GRAMD2B: variants seen among roughly 807,000 people sequenced by gnomAD.
GRAMD2B encodes the protein GRAM domain containing 2B.
A neutral mutation model predicts 59.2 loss-of-function variants in GRAMD2B; 41 were observed. The ratio of observed to expected loss-of-function variants is 0.69; its 90% CI spans 0.54 to 0.90. The LOEUF is 0.90. GRAMD2B is among the 40% of genes least tolerant of loss of function. The probability of loss-of-function intolerance (pLI) is 0.00; values close to 1 mark genes in which losing one functional copy is unlikely to be tolerated. For missense variants in GRAMD2B, 424 were observed against 500.5 expected (o/e 0.85, Z 1.46); for synonymous variants, 161 against 182.7 (o/e 0.88, Z 0.96).
At chr5:126,383,747 T>C (rs1561464988) in intron 1 of GRAMD2B, among the ~76,000 whole-genome samples, 1 of 152,214 alleles carries the variant, frequency 6.6e-6, no homozygotes, top group Non-Finnish European at 1.5e-5. Flanking sequence ...CCAGCTTGGC[T>C]TCAAATTATT....
chr5:126,485,905 A>G (rs1029258310), intron 11 of GRAMD2B, 132 bp downstream of exon 11: 15 of 590,292 alleles, frequency 2.5e-5, no homozygotes, highest in African/African-American at 3.9e-5. Context: ...TACTTTGACA[A>G]TTTCTGTCTC....
At chr5:126,446,620 T>TAA (rs34271639) in intron 1 of GRAMD2B, among the ~76,000 whole-genome samples, 12 of 135,204 alleles carry the variant, frequency 8.9e-5, no homozygotes, top group African/African-American at 1.1e-4. Context: ...TTTTAAAAAT[T>TAA]AAAAAAAAAA....
At chr5:126,453,617 T>A (rs1020649343) in intron 1 of GRAMD2B, among the ~76,000 whole-genome samples, 24 of 152,350 alleles carry the variant, frequency 1.6e-4, no homozygotes, top group African/African-American at 5.8e-4. Flanking sequence ...ACTTTGTTAT[T>A]TTCCAACTGT....
chr5:126,364,760 T>C (rs527721589), intron 1 of GRAMD2B, among the ~76,000 whole-genome samples: 1 of 152,354 alleles, frequency 6.6e-6, no homozygotes, highest in South Asian at 2.1e-4. Context: ...TCTCCCTCTA[T>C]ATCCTCTATC....
At chr5:126,458,444 C>CA (rs758455343) in intron 1 of GRAMD2B, among the ~76,000 whole-genome samples, 130 of 124,228 alleles carry the variant, frequency 1.0e-3, no homozygotes, top group African/African-American at 1.4e-3. Flanking sequence ...CATCTCAAAA[C>CA]AAAAAAAAAA....
At chr5:126,387,752 G>A (rs1329156688) in intron 1 of GRAMD2B, among the ~76,000 whole-genome samples, 1 of 152,006 alleles carries the variant, frequency 6.6e-6, no homozygotes, top group African/African-American at 2.4e-5. Flanking sequence ...ACAGAAAGAA[G>A]AGAGAAAAAA....
At chr5:126,445,047 G>A (rs934083960) in intron 1 of GRAMD2B, among the ~76,000 whole-genome samples, 21 of 152,094 alleles carry the variant, frequency 1.4e-4, no homozygotes, top group African/African-American at 2.4e-4. Context: ...TTATGGATGC[G>A]TAGTATTCCA....
intron 1 of GRAMD2B, among the ~76,000 whole-genome samples, chr5:126,414,377 A>G (rs1759081652): frequency 6.6e-6 from 1 of 152,188 alleles, no homozygotes; most frequent in South Asian, 2.1e-4. Flanking sequence ...GATTTCCTCA[A>G]CTACTACTAA....
chr5:126,465,887 TC>T (rs1561566613), intron 2 of GRAMD2B, among the ~76,000 whole-genome samples: 1 of 152,030 alleles, frequency 6.6e-6, no homozygotes, highest in East Asian at 1.9e-4. Context: ...TGTCTCACTT[TC>T]CTAGGGGCCG....
chr5:126,462,502 T>A, intron 1 of GRAMD2B: 1 of 945,772 alleles, frequency 1.1e-6, no homozygotes, highest in Non-Finnish European at 1.3e-6. Context: ...CTTGAGCCTG[T>A]AGCATCTTTA....
chr5:126,415,671 G>T (rs1008380285), intron 1 of GRAMD2B, among the ~76,000 whole-genome samples: 1 of 152,134 alleles, frequency 6.6e-6, no homozygotes, highest in Non-Finnish European at 1.5e-5. Flanking sequence ...AGGAGTAGAA[G>T]TCCTCTGCAT....
upstream of GRAMD2B, chr5:126,423,155 C>A (rs1212860626): frequency 1.0e-6 from 1 of 998,332 alleles, no homozygotes; most frequent in Non-Finnish European, 1.2e-6. Flanking sequence ...TATCTAGAGC[C>A]GGCTGCCCTC....
chr5:126,479,329 C>T (rs373989407), intron 6 of GRAMD2B, among the ~76,000 whole-genome samples: 1 of 152,102 alleles, frequency 6.6e-6, no homozygotes, highest in East Asian at 1.9e-4. Flanking sequence ...CATGAACCAC[C>T]ATGACTGGCT....
chr5:126,428,890 G>A (rs1184104658), intron 1 of GRAMD2B, among the ~76,000 whole-genome samples: 3 of 152,142 alleles, frequency 2.0e-5, no homozygotes, highest in African/African-American at 7.2e-5. Flanking sequence ...AAAAATAACA[G>A]ATGCTGGCAA....
intron 1 of GRAMD2B, among the ~76,000 whole-genome samples, chr5:126,365,145 G>T (rs192430792): frequency 1.3e-5 from 2 of 152,162 alleles, no homozygotes; most frequent in African/African-American, 4.8e-5. Context: ...TTTTCAAAAT[G>T]TTTGTAATGA....
chr5:126,371,534 G>A, exon 1 of GRAMD2B: 1 of 1,289,216 alleles, frequency 7.8e-7, no homozygotes, highest in South Asian at 1.2e-5. Flanking sequence ...GCCTCACGCA[G>A]CTCCACAGAC....
intron 1 of GRAMD2B, among the ~76,000 whole-genome samples, chr5:126,446,848 T>C (rs971203201): frequency 9.2e-5 from 14 of 152,158 alleles, no homozygotes; most frequent in African/African-American, 2.9e-4. Flanking sequence ...CAGATTCTTC[T>C]CCTGGAAACT....
chr5:126,468,092 T>C (rs1393038412), intron 2 of GRAMD2B, among the ~76,000 whole-genome samples: 1 of 152,232 alleles, frequency 6.6e-6, no homozygotes, highest in Non-Finnish European at 1.5e-5. Flanking sequence ...TTCCTCCCAA[T>C]AAACATTAAA....
Position 126,423,694 on chromosome 5 carries a change from G to A in GRAMD2B, c.83+5G>A. 6.2e-7 allele frequency: 1 copy of A among 1,603,844 alleles called. No individual in the cohort carries two copies. The highest frequency in any genetic ancestry group is 8.5e-7 in the Non-Finnish European group (1 of 1,175,906). The stretch of plus-strand genomic sequence containing the variant: ...GAGCAAACTTGGCTCAGCCCAGTGA[G>A]TATTCTCAGCTGGGACCCATCCAAG... On this transcript the variant is annotated splice_donor_5th_base_variant and intron_variant, in intron 1 of 13. Coordinates refer to ENST00000285689, the MANE Select transcript of GRAMD2B (RefSeq NM_023927.4).
Sources: gnomAD v4.1 joint callset for allele counts (sites outside exome capture counted in the v4.1 genomes callset) on GRCh38, gnomAD v4.1.1 for gene constraint, MANE v1.5 for transcripts, NCBI Gene and HGNC (gene_info 2026-07-23, HGNC 2026-07-21) for gene names.